The following CC2D2B variants were observed in gnomAD, a reference collection of about 807,000 sequenced individuals.
CC2D2B encodes the protein protein CC2D2B.
Under a neutral mutation model 161.2 loss-of-function variants are expected in CC2D2B, and 128 were observed. The observed-to-expected ratio is 0.79, with a 90% CI of 0.69 to 0.92. The LOEUF is 0.92. Among genes scored for constraint, CC2D2B ranks in the 40% least tolerant of loss-of-function variants. CC2D2B has a pLI of 0.00. For missense variants in CC2D2B, 1,173 were observed against 1,375.1 expected, an observed-to-expected ratio of 0.85 and a Z score of 2.32; for synonymous variants, 391 against 449.8, an observed-to-expected ratio of 0.87 and a Z score of 1.65.
chr10:95,909,289 T>G (rs1230399613), intron 1 of CC2D2B, among the ~76,000 whole-genome samples: 1 of 152,246 alleles, frequency 6.6e-6, no homozygotes, highest in Non-Finnish European at 1.5e-5. Flanking sequence ...TAAATTCCAC[T>G]TCTTCCATAT....
At chr10:95,968,505 T>C (rs2077018190) in intron 14 of CC2D2B, among the ~76,000 whole-genome samples, 1 of 152,206 alleles carries the variant, frequency 6.6e-6, no homozygotes, top group East Asian at 1.9e-4. Flanking sequence ...TTAGTTCTAT[T>C]TTTGAATACA....
chr10:95,938,104 C>CA lies in CC2D2B; in HGVS notation c.453dup (p.Val152SerfsTer5). 2 of 1,549,026 alleles carry CA rather than the reference C, an allele frequency of 1.3e-6. No individual in the cohort carries two copies. Among genetic ancestry groups the CA allele is most frequent in the Non-Finnish European group, 1.7e-6 (2 of 1,144,754 alleles). On this transcript the variant is annotated frameshift_variant, in exon 7 of 35. Coordinates refer to ENST00000646931, the MANE Select transcript of CC2D2B (RefSeq NM_001349008.3). LOFTEE classifies it high-confidence loss of function. The stretch of plus-strand genomic sequence containing the variant: ...AAGAATTCATTTTGACAGATATACT[C>CA]AAAGTAAAAGCTGCTGACTATGAAG...
chr10:95,991,451 G>T lies in CC2D2B; in HGVS notation c.2461G>T (p.Val821Leu), dbSNP rs997928791. 11 of 1,039,124 alleles carry T rather than the reference G, an allele frequency of 1.1e-5. No individual in the cohort carries two copies. In the Middle Eastern group the frequency reaches 9.3e-4, roughly 88 times the overall value. 64.4% of individuals were successfully genotyped at this position (1,039,124 alleles called of 1,614,324 possible). A position where few individuals can be genotyped will look rare whatever the true frequency, so the allele number is the denominator to read the frequency against. The change falls in exon 21 of 35, where the codon GTA becomes TTA. Residue 821 changes from valine to leucine, a missense_variant. This residue lies in a region of CC2D2B where 598 missense variants were observed against 693.2 expected (regional missense o/e 0.86). Coordinates refer to ENST00000646931, the MANE Select transcript of CC2D2B (RefSeq NM_001349008.3). ...SDIVNDYEEI[V>L]STSQLTDAVC... ...TATTGTGAATGATTATGAAGAAATT[G>T]TATCTACAAGGTAATTGCTAAAAAC...
intron 10 of CC2D2B, among the ~76,000 whole-genome samples, chr10:95,953,820 G>A (rs1034786114): frequency 1.3e-5 from 2 of 152,096 alleles, no homozygotes; most frequent in East Asian, 1.9e-4. Context: ...TCTACTTATG[G>A]AAGCTAACCA....
At chr10:95,966,375 G>C in intron 14 of CC2D2B, 73 bp downstream of exon 14, 1 of 534,504 alleles carries the variant, frequency 1.9e-6, no homozygotes, top group Non-Finnish European at 2.8e-6. Context: ...TAATAAAGTG[G>C]GATTTCTTGG....
intron 19 of CC2D2B, 41 bp from the exon 20 acceptor site, chr10:95,988,209 T>C: frequency 1.2e-6 from 1 of 819,746 alleles, no homozygotes; most frequent in South Asian, 6.2e-5. Flanking sequence ...TGTGAACTCT[T>C]TGTTACATTC....
At chr10:96,028,387 T>C (rs768755937) in intron 34 of CC2D2B, among the ~76,000 whole-genome samples, 52 of 152,136 alleles carry the variant, frequency 3.4e-4, no homozygotes, top group Non-Finnish European at 5.9e-4. Context: ...CTCAACATCA[T>C]TGATCATCAG....
chr10:95,987,431 A>G (rs1341938576), intron 19 of CC2D2B, among the ~76,000 whole-genome samples: 2 of 152,232 alleles, frequency 1.3e-5, no homozygotes, highest in Non-Finnish European at 2.9e-5. Context: ...ATGGATAATT[A>G]GAAGAACAAG....
intron 24 of CC2D2B, among the ~76,000 whole-genome samples, chr10:95,997,678 A>C (rs2078283886): frequency 1.3e-5 from 2 of 152,164 alleles, no homozygotes; most frequent in South Asian, 4.1e-4. Flanking sequence ...ATGAGCCACC[A>C]CACCTGGCCT....
At chr10:95,951,096 G>A (rs1238598210) in intron 10 of CC2D2B, among the ~76,000 whole-genome samples, 1 of 152,094 alleles carries the variant, frequency 6.6e-6, no homozygotes, top group African/African-American at 2.4e-5. Context: ...TGAGATTACA[G>A]GCATGAGCCA....
chr10:95,988,589 A>G (rs540820611), intron 20 of CC2D2B, among the ~76,000 whole-genome samples: 1 of 152,304 alleles, frequency 6.6e-6, no homozygotes, highest in Admixed American at 6.5e-5. Context: ...CATTTTAAAG[A>G]CTTCCCATCT....
At chr10:95,950,239 G>A in intron 10 of CC2D2B, 134 bp downstream of exon 10, 1 of 395,152 alleles carries the variant, frequency 2.5e-6, no homozygotes, top group Non-Finnish European at 4.5e-6. Context: ...TCTCTGAAAA[G>A]AAACTGTAGG....
At chr10:95,978,025 A>G (rs114428986) in intron 17 of CC2D2B, among the ~76,000 whole-genome samples, 6,289 of 152,212 alleles carry the variant, frequency 0.041, 201 homozygotes, top group African/African-American at 0.082. Context: ...TACCGTGAGT[A>G]TACGTAATAC....
intron 9 of CC2D2B, among the ~76,000 whole-genome samples, chr10:95,946,618 T>A (rs933014650): frequency 2.0e-5 from 3 of 152,188 alleles, no homozygotes; most frequent in Non-Finnish European, 4.4e-5. Context: ...TTTCCCCTTT[T>A]ATGGGTTGGC....
chr10:96,029,290 A>ATATATATATG (rs2079955568), intron 34 of CC2D2B, among the ~76,000 whole-genome samples: 2 of 92,048 alleles, frequency 2.2e-5, no homozygotes, highest in Admixed American at 2.1e-4. Context: ...ATATATGTAT[A>ATATATATATG]TATATATATA....
intron 24 of CC2D2B, among the ~76,000 whole-genome samples, chr10:96,003,747 T>G (rs2078629060): frequency 1.3e-5 from 2 of 152,090 alleles, no homozygotes; most frequent in African/African-American, 4.8e-5. Flanking sequence ...TGAGCCACCA[T>G]GCCGGGCCGT....
chr10:96,021,665 T>G (rs72823708), intron 32 of CC2D2B: 2 of 152,320 alleles, frequency 1.3e-5, no homozygotes, highest in Non-Finnish European at 2.9e-5. Flanking sequence ...GTTTGAAAGC[T>G]GTATATGGTT....
At chr10:96,005,123 G>A (rs2141811636) in intron 25 of CC2D2B, among the ~76,000 whole-genome samples, 1 of 152,320 alleles carries the variant, frequency 6.6e-6, no homozygotes, top group East Asian at 1.9e-4. Context: ...TCTCCAAGGA[G>A]TTAAACTGAG....
At chr10:95,932,799 GGCT>G (rs1309265024) in intron 6 of CC2D2B, among the ~76,000 whole-genome samples, 2 of 152,052 alleles carry the variant, frequency 1.3e-5, no homozygotes, top group African/African-American at 4.8e-5. Flanking sequence ...CTTTCTCTCT[GGCT>G]GCCCTTAACA....
Sources: gnomAD v4.1 joint callset for allele counts (sites outside exome capture counted in the v4.1 genomes callset) on GRCh38, gnomAD v4.1.1 for gene constraint, gnomAD v4.1.1 regional missense constraint, MANE v1.5 for transcripts, NCBI Gene and HGNC (gene_info 2026-07-23, HGNC 2026-07-21) for gene names.